The following FCHSD1 variants were observed in gnomAD, a reference collection of about 807,000 sequenced individuals.
FCHSD1 encodes the protein F-BAR and double SH3 domains protein 1.
In FCHSD1, 109 loss-of-function variants were observed where a neutral mutation model predicts 101.3. The observed-to-expected ratio is 1.08, with a 90% CI of 0.92 to 1.26. The LOEUF is 1.26. FCHSD1 is among the 50% of genes most tolerant of loss of function. FCHSD1 has a pLI of 0.00. For synonymous variants in FCHSD1, 291 were observed against 356.8 expected, an observed-to-expected ratio of 0.82 and a Z score of 2.08; for missense variants, 820 against 895.8, an observed-to-expected ratio of 0.92 and a Z score of 1.08.
rs2099906671 is a variant in FCHSD1 at position 141,640,160 on chromosome 5, C to T, written c.*1338G>A. 3 of 1,614,132 alleles carry T rather than the reference C, an allele frequency of 1.9e-6. No individual in the cohort carries two copies. Among genetic ancestry groups the T allele is most frequent in the African/African-American group, 1.3e-5 (1 of 75,042 alleles). ...GAGGACTCAGGGACAGCAGCCTAACCCCTCGTGCACTTGAAGGGAACCCCA... is the reference window on the plus strand; with the variant it reads ...GAGGACTCAGGGACAGCAGCCTAACTCCTCGTGCACTTGAAGGGAACCCCA... On this transcript the variant is annotated 3_prime_UTR_variant, in exon 20 of 20. Coordinates refer to ENST00000435817, the MANE Select transcript of FCHSD1 (RefSeq NM_033449.3).
intron 17 of FCHSD1, 134 bp from the exon 18 acceptor site, chr5:141,643,222 G>GGGGC: frequency 1.6e-6 from 1 of 609,254 alleles, no homozygotes; most frequent in Non-Finnish European, 2.7e-6. Flanking sequence ...CATTCGGTGG[G>GGGGC]GGGGTGTAGC....
intron 8 of FCHSD1, 143 bp from the exon 9 acceptor site, chr5:141,647,663 G>T: frequency 7.6e-7 from 1 of 1,311,206 alleles, no homozygotes; most frequent in Non-Finnish European, 1.0e-6. Context: ...GCCCTCGTGT[G>T]CAGAGCACTT....
At chr5:141,646,838 A>C (rs1299302045) in intron 10 of FCHSD1, 116 bp from the exon 11 acceptor site, 1 of 1,427,580 alleles carries the variant, frequency 7.0e-7, no homozygotes, top group Non-Finnish European at 9.3e-7. Context: ...AAAGGGGCAC[A>C]TGCCTACAGT....
In FCHSD1 at chr5:141,650,378, A is replaced by G. The variant is rs745843745; in HGVS notation, c.146T>C (p.Ile49Thr). The G allele has an allele frequency of 6.2e-7, 1 of 1,613,860 alleles. No individual in the cohort carries two copies. Among genetic ancestry groups the G allele is most frequent in the Admixed American group, 1.7e-5 (1 of 60,014 alleles). Residue 49 changes from isoleucine (I) to threonine (T), a missense_variant, in exon 3 of 20, where the codon ATT becomes ACT. Physicochemically the swap from Ile to Thr is moderately conservative, Grantham distance 89 (BLOSUM62 -1). Coordinates refer to ENST00000435817, the MANE Select transcript of FCHSD1 (RefSeq NM_033449.3). ...CCATACCTGCCCATACTCCCGTTCA[A>G]TGGCTGCCCTCTGCTTGCTGTAGGA... is the stretch of plus-strand genomic sequence containing the variant. ...IRSYSKQRAAIEREYGQALQK... is the reference protein window; with the variant it reads ...IRSYSKQRAATEREYGQALQK...
At chr5:141,644,743 C>A in intron 15 of FCHSD1, 53 bp from the exon 16 acceptor site, 1 of 1,609,966 alleles carries the variant, frequency 6.2e-7, no homozygotes, top group Non-Finnish European at 8.5e-7. Context: ...CAGTCCATGA[C>A]CCTGGCTCTC....
rs376262095 is a variant in FCHSD1 at position 141,639,966 on chromosome 5, C to T, written c.*1532G>A. The T allele has an allele frequency of 1.2e-5, 20 of 1,613,972 alleles. No homozygotes were observed. In the Middle Eastern group the frequency reaches 1.3e-3, roughly 107 times the overall value. ...GAAGCGCTATGGACTGCACGAACAC[C>T]GTGATGGCTCCCCCACAGACAGGAG... On this transcript the variant is annotated 3_prime_UTR_variant, in exon 20 of 20. Coordinates refer to ENST00000435817, the MANE Select transcript of FCHSD1 (RefSeq NM_033449.3). The surrounding 1 kb of genome is among the most constrained non-coding windows in gnomAD (Gnocchi z 4.4).
chr5:141,645,890 C>T lies in FCHSD1; in HGVS notation c.1192G>A (p.Gly398Arg), dbSNP rs1461069454. The T allele has an allele frequency of 6.3e-7, 1 of 1,581,052 alleles. No homozygotes were observed. Among genetic ancestry groups the T allele is most frequent in the Non-Finnish European group, 8.6e-7 (1 of 1,163,344 alleles). Reference sequence around the variant, plus strand: ...CAGCGCTCCACATCTAAGCCAGCCCCCTGCAGCAGGGCCAGCCGGGCAGCC... The same window carrying T: ...CAGCGCTCCACATCTAAGCCAGCCCTCTGCAGCAGGGCCAGCCGGGCAGCC... ...KGAARLALLQ[G>R]AGLDVERWLK... is the part of the protein sequence containing the mutation. Residue 398 changes from glycine (G) to arginine (R), a missense_variant, in exon 13 of 20, where the codon GGG (glycine) becomes AGG (arginine). By Grantham distance (125) the Gly-to-Arg change is moderately radical. Transcript: ENST00000435817.
intron 8 of FCHSD1, 59 bp downstream of exon 8, chr5:141,647,907 CAG>C (rs1562391016): frequency 6.3e-7 from 1 of 1,581,104 alleles, no homozygotes; most frequent in South Asian, 1.2e-5. Flanking sequence ...GATCAAGAAG[CAG>C]GGGGAGGTCC....
chr5:141,642,036 T>C, intron 18 of FCHSD1: 1 of 557,518 alleles, frequency 1.8e-6, no homozygotes. Flanking sequence ...ACAAACACAA[T>C]AAATGACTAA....
Position 141,643,041 on chromosome 5 carries a change from G to T in FCHSD1, c.1911C>A (p.Thr637=). ...GTGCAGGGGGCCCATCCAACACAGAGGTAGGTGCAGGTGGGGAGAAGCTGG... is the reference window on the plus strand; with the variant it reads ...GTGCAGGGGGCCCATCCAACACAGATGTAGGTGCAGGTGGGGAGAAGCTGG... ...SPPSFSPPAP[T]SVLDGPPAPV... The change falls in exon 18 of 20, where the codon ACC becomes ACA. Residue 637 remains threonine (T), a synonymous_variant. Transcript: ENST00000435817. 6.4e-7 allele frequency: 1 copy of T among 1,556,392 alleles called. No homozygotes were observed. The highest frequency in any genetic ancestry group is 8.7e-7 in the Non-Finnish European group (1 of 1,152,582).
At chr5:141,650,485 T>C in intron 2 of FCHSD1, 81 bp from the exon 3 acceptor site, 1 of 1,584,720 alleles carries the variant, frequency 6.3e-7, no homozygotes, top group Non-Finnish European at 8.7e-7. Flanking sequence ...TCCTCTACTC[T>C]GGGCAGGAGG....
At chr5:141,650,118 C>T (rs765967736) in intron 3 of FCHSD1, among the ~76,000 whole-genome samples, 164 bp from the exon 4 acceptor site, 2 of 152,164 alleles carry the variant, frequency 1.3e-5, no homozygotes, top group South Asian at 2.1e-4. Context: ...TTACAACAAC[C>T]CTACATGAAG....
At position 141,649,786 on chromosome 5, in the gene FCHSD1, G is replaced by A. The variant is rs1435958806; in HGVS notation, c.233+101C>T. 1.2e-5 allele frequency: 17 copies of A among 1,380,212 alleles called. No homozygotes were observed. Among genetic ancestry groups the A allele is most frequent in the Middle Eastern group, 2.0e-4 (1 of 5,012 alleles). The allele number at this position is 1,380,212 out of a possible 1,614,324, so 85.5% of individuals were successfully genotyped here. On this transcript the variant is annotated intron_variant, in intron 4 of 19. Coordinates refer to ENST00000435817, the MANE Select transcript of FCHSD1 (RefSeq NM_033449.3). The surrounding 1 kb of genome is among the most constrained non-coding windows in gnomAD (Gnocchi z 4.1). The stretch of plus-strand genomic sequence containing the variant: ...TGTGTCAGCTCTACCTACAGCTCAC[G>A]TGCCTTCCCCACTTGCTAGGCCTTC...
rs372639731 is a variant in FCHSD1, at chr5:141,646,109, C to G, written c.1127G>C (p.Arg376Pro). ...PSIEQRLQEV[R>P]ESIRRAQVSQ... ...CACCTGTGCCCGGCGGATGCTCTCTCGCACTTCCTGTAACCTCTGTTCTAT... is the reference window on the plus strand; with the variant it reads ...CACCTGTGCCCGGCGGATGCTCTCTGGCACTTCCTGTAACCTCTGTTCTAT... The change falls in exon 12 of 20, where the codon CGA (arginine) becomes CCA (proline). Residue 376 changes from arginine to proline, a missense_variant. Arg to Pro is a moderately radical substitution (Grantham distance 103, BLOSUM62 -2). Coordinates refer to ENST00000435817, the MANE Select transcript of FCHSD1 (RefSeq NM_033449.3). 6.2e-7 allele frequency: 1 copy of G among 1,611,740 alleles called. No individual in the cohort carries two copies.
At chr5:141,648,824 A>C (rs1268865921) in intron 7 of FCHSD1, 133 bp downstream of exon 7, 2 of 995,054 alleles carry the variant, frequency 2.0e-6, no homozygotes, top group Non-Finnish European at 3.1e-6. Flanking sequence ...TAAATTAACC[A>C]AGGTTACCCA....
chr5:141,646,158 C>G lies in FCHSD1; in HGVS notation c.1078G>C (p.Ala360Pro). The change falls in exon 12 of 20, where the codon GCT (alanine) becomes CCT (proline). Residue 360 changes from alanine (A) to proline (P), a missense_variant. Coordinates refer to ENST00000435817, the MANE Select transcript of FCHSD1 (RefSeq NM_033449.3). Reference protein sequence around the residue: ...LQRLEQRRQQASEREAPSIEQ... With the variant: ...LQRLEQRRQQPSEREAPSIEQ... ...ATGCTTGGAGCCTCCCGCTCTGAAG[C>G]CTGCTGCCGCCTCTGCTCCAGTCGT... is the stretch of plus-strand genomic sequence containing the variant. The G allele has an allele frequency of 6.2e-7, 1 of 1,610,810 alleles. No homozygotes were observed. Among genetic ancestry groups the G allele is most frequent in the Non-Finnish European group, 8.5e-7 (1 of 1,178,730 alleles).
chr5:141,646,714 G>A lies in FCHSD1; in HGVS notation c.933C>T (p.Val311=). ...FQPAGTDQVC[V]LEWGAEGVAG... is the part of the protein sequence containing the mutation. ...CCACGCCTTCTGCTCCCCACTCCAG[G>A]ACACACACCTGAATGGGTCAGGGGG... The change falls in exon 11 of 20, where the codon GTC becomes GTT. Residue 311 remains valine (V), a synonymous_variant. Coordinates refer to ENST00000435817, the MANE Select transcript of FCHSD1 (RefSeq NM_033449.3). The A allele has an allele frequency of 6.2e-7, 1 of 1,612,714 alleles. No homozygotes were observed.
chr5:141,646,794 C>T, intron 10 of FCHSD1, 72 bp from the exon 11 acceptor site: 3 of 1,554,646 alleles, frequency 1.9e-6, no homozygotes, highest in Non-Finnish European at 2.6e-6. Flanking sequence ...CCTTTTTCCA[C>T]TCTATCTTGA....
chr5:141,641,493 G>A lies in FCHSD1; in HGVS notation c.*5C>T. The A allele has an allele frequency of 6.7e-7, 1 of 1,485,722 alleles. No homozygotes were observed. Among genetic ancestry groups the A allele is most frequent in the Non-Finnish European group, 8.9e-7 (1 of 1,118,338 alleles). The allele number at this position is 1,485,722 out of a possible 1,614,324, so 92.0% of individuals were successfully genotyped here. A position where few individuals can be genotyped will look rare whatever the true frequency, so the allele number is the denominator to read the frequency against. On this transcript the variant is annotated 3_prime_UTR_variant, in exon 20 of 20. Coordinates refer to ENST00000435817, the MANE Select transcript of FCHSD1 (RefSeq NM_033449.3). ...CATCACTGGGGGTCAAGGCTTCCCT[G>A]GCCTTCAGGTGAGGGGATCTGGGTG...
Sources: allele counts gnomAD v4.1 joint callset (sites outside exome capture counted in the v4.1 genomes callset), GRCh38; gene constraint gnomAD v4.1.1; non-coding constraint Gnocchi (gnomAD v3.1); transcripts MANE v1.5; gene names NCBI Gene and HGNC (gene_info 2026-07-23, HGNC 2026-07-21).